Variants in PSPC1 observed in about 807,000 individuals in gnomAD.
PSPC1 encodes the protein paraspeckle component 1, also known as paraspeckle protein 1.
Under a neutral mutation model 51.6 loss-of-function variants are expected in PSPC1, and 14 were observed. That is an observed-to-expected ratio of 0.27 (90% CI 0.18 to 0.42). The LOEUF is 0.42. Ranked by LOEUF, PSPC1 falls within the 10% of genes least tolerant of loss-of-function variation. The pLI is 1.00. For synonymous variants in PSPC1, 193 were observed against 231.9 expected, an observed-to-expected ratio of 0.83 and a Z score of 1.53; for missense variants, 406 against 701.1, an observed-to-expected ratio of 0.58 and a Z score of 4.75.
At chr13:19,703,733 T>G (rs1565974847) in intron 8 of PSPC1, among the ~76,000 whole-genome samples, 1 of 152,056 alleles carries the variant, frequency 6.6e-6, no homozygotes, top group Non-Finnish European at 1.5e-5. Flanking sequence ...AATACGTTCT[T>G]AAAAAAATCA....
chr13:19,737,348 G>A (rs1307458437), intron 5 of PSPC1: 1 of 152,140 alleles, frequency 6.6e-6, no homozygotes, highest in Non-Finnish European at 1.5e-5. Flanking sequence ...GTCTGTAACA[G>A]TTCAGTCTTT....
intron 3 of PSPC1, among the ~76,000 whole-genome samples, chr13:19,754,816 A>AACC (rs1489188434): frequency 1.3e-5 from 2 of 152,342 alleles, no homozygotes; most frequent in Non-Finnish European, 1.5e-5. Flanking sequence ...TCTTGTTAAC[A>AACC]ACCTTGTACT....
At position 19,690,542 on chromosome 13, in the gene PSPC1, C is replaced by T. The variant is rs144498048; in HGVS notation, c.1159-12719G>A. ...TTAAAACTCAATTAGAAAAAGCCTA[C>T]TTTCCTGGAGAAACCTCAGGTAGGC... On this transcript the variant is annotated intron_variant and NMD_transcript_variant, in intron 6 of 7. Transcript: ENST00000471658. Among the ~76,000 whole-genome samples the T allele has an allele frequency of 3.5e-3, 527 of 152,300 alleles. 1 individual carries two copies. Among genetic ancestry groups the T allele is most frequent in the Non-Finnish European group, 6.4e-3 (433 of 68,028 alleles).
intron 4 of PSPC1, among the ~76,000 whole-genome samples, chr13:19,746,450 C>T (rs1223137090): frequency 6.6e-6 from 1 of 151,684 alleles, no homozygotes. Flanking sequence ...TGGAGCCAGG[C>T]GCAGTGGCTC....
intron 7 of PSPC1, among the ~76,000 whole-genome samples, chr13:19,708,515 C>T (rs1880984044): frequency 6.6e-6 from 1 of 152,160 alleles, no homozygotes. Context: ...CGATATGCCA[C>T]ACTTGCTTTT....
At chr13:19,719,225 A>T (rs1882480509) in intron 6 of PSPC1, among the ~76,000 whole-genome samples, 1 of 152,044 alleles carries the variant, frequency 6.6e-6, no homozygotes, top group East Asian at 1.9e-4. Context: ...GTAGACGGGA[A>T]ATCTCTGTAC....
At chr13:19,761,825 A>G (rs1313492380) in intron 2 of PSPC1, among the ~76,000 whole-genome samples, 1 of 152,198 alleles carries the variant, frequency 6.6e-6, no homozygotes, top group African/African-American at 2.4e-5. Flanking sequence ...AACATAGAAC[A>G]GTAACAGAAT....
At chr13:19,695,092 G>T (rs1879046551) in intron 6 of PSPC1, among the ~76,000 whole-genome samples, 1 of 152,158 alleles carries the variant, frequency 6.6e-6, no homozygotes, top group South Asian at 2.1e-4. Flanking sequence ...TTTAACATGT[G>T]TATCTATGCT....
intron 6 of PSPC1, among the ~76,000 whole-genome samples, chr13:19,728,121 G>A (rs1303010083): frequency 3.3e-5 from 5 of 152,098 alleles, no homozygotes; most frequent in Admixed American, 3.3e-4. Context: ...TTATGATCAA[G>A]TTGAAGGCTG....
At chr13:19,672,001 G>C (rs960222548), downstream of PSPC1, 14 of 925,472 alleles carry the variant, frequency 1.5e-5, no homozygotes, top group Non-Finnish European at 2.4e-5. Context: ...AGTTAAGCCT[G>C]TTGTCTGTTG....
downstream of PSPC1, chr13:19,671,747 G>C: frequency 8.3e-7 from 1 of 1,210,102 alleles, no homozygotes; most frequent in Non-Finnish European, 1.2e-6. Context: ...AATAATAGAA[G>C]CAAATCTTGG....
At chr13:19,726,978 TA>T (rs1362684135) in intron 6 of PSPC1, among the ~76,000 whole-genome samples, 1 of 152,248 alleles carries the variant, frequency 6.6e-6, no homozygotes, top group African/African-American at 2.4e-5. Context: ...CAAATGGGAC[TA>T]ATAAGCTTTA....
chr13:19,689,918 T>C (rs1450941746), intron 6 of PSPC1, among the ~76,000 whole-genome samples: 3 of 152,040 alleles, frequency 2.0e-5, no homozygotes, highest in Middle Eastern at 3.2e-3. Context: ...GTAATATATA[T>C]GAGGTCAAGG....
At chr13:19,716,126 C>T (rs1398438813) in intron 6 of PSPC1, among the ~76,000 whole-genome samples, 2 of 152,172 alleles carry the variant, frequency 1.3e-5, no homozygotes, top group South Asian at 4.1e-4. Context: ...ATCTGGGTCC[C>T]ATCCCCAAGA....
intron 6 of PSPC1, among the ~76,000 whole-genome samples, chr13:19,717,833 G>A (rs1882300031): frequency 1.3e-5 from 2 of 151,500 alleles, no homozygotes; most frequent in Admixed American, 1.3e-4. Context: ...CTGAGATCGT[G>A]CCACTGCACT....
intron 2 of PSPC1, among the ~76,000 whole-genome samples, chr13:19,771,296 C>G (rs1888602397): frequency 6.6e-6 from 1 of 152,124 alleles, no homozygotes; most frequent in African/African-American, 2.4e-5. Context: ...CAGCACCAAG[C>G]CCGGCTAATT....
intron 6 of PSPC1, among the ~76,000 whole-genome samples, chr13:19,687,700 G>GTCT (rs1226939750): frequency 2.3e-5 from 2 of 85,484 alleles, no homozygotes; most frequent in Non-Finnish European, 5.1e-5. Flanking sequence ...ATCACTCCAC[G>GTCT]TCTTGATTTC....
rs117514075 is a variant in PSPC1, at chr13:19,753,358, A to G, written c.771-1891T>C. ...TCAAGCAGTCCTCCCACCTGAGGCT[A>G]CAGAGCACCTAGAACTACAGAGGCA... On this transcript the variant is annotated intron_variant, in intron 3 of 8. Transcript: ENST00000338910. Among the ~76,000 whole-genome samples, 696 of 151,162 alleles carry G rather than the reference A, an allele frequency of 4.6e-3. 5 individuals are homozygous for G. Among genetic ancestry groups the G allele is most frequent in the South Asian group, 0.026 (125 of 4,770 alleles).
At chr13:19,763,850 T>TTGGCCGGGCATGG (rs1293530436) in intron 2 of PSPC1, among the ~76,000 whole-genome samples, 3 of 151,874 alleles carry the variant, frequency 2.0e-5, no homozygotes, top group Admixed American at 1.3e-4. Context: ...ATACAAAAAA[T>TTGGCCGGGCATGG]TGGCCGGGCA....
Sources: gnomAD v4.1 joint callset for allele counts (sites outside exome capture counted in the v4.1 genomes callset) on GRCh38, gnomAD v4.1.1 for gene constraint, MANE v1.5 for transcripts, NCBI Gene and HGNC (gene_info 2026-07-23, HGNC 2026-07-21) for gene names.